KCNT2: variants seen among roughly 807,000 people sequenced by gnomAD.
The protein encoded by KCNT2 is potassium sodium-activated channel subfamily T member 2.
Under a neutral mutation model 153.8 loss-of-function variants are expected in KCNT2, and 67 were observed. The ratio of observed to expected loss-of-function variants is 0.44; its 90% confidence interval spans 0.36 to 0.53. The LOEUF (loss-of-function observed/expected upper bound fraction) is 0.53. Among genes scored for constraint, KCNT2 ranks in the 20% least tolerant of loss-of-function variants. The pLI, the probability that KCNT2 is intolerant of heterozygous loss-of-function variation, is 0.00. For missense variants in KCNT2, 975 were observed against 1,354.8 expected (o/e 0.72, Z 4.40); for synonymous variants, 500 against 458.8 (o/e 1.09, Z -1.15).
chr1:196,491,695 A>G (rs980812783), intron 2 of KCNT2, among the ~76,000 whole-genome samples: 4 of 151,934 alleles, frequency 2.6e-5, no homozygotes, highest in Non-Finnish European at 5.9e-5. Context: ...CTACTTTGTT[A>G]CTTTCTTACA....
At chr1:196,354,457 G>C (rs945982245) in intron 14 of KCNT2, among the ~76,000 whole-genome samples, 1 of 151,668 alleles carries the variant, frequency 6.6e-6, no homozygotes, top group Non-Finnish European at 1.5e-5. Flanking sequence ...TGGGAATAAA[G>C]AGCACCTTGT....
intron 6 of KCNT2, among the ~76,000 whole-genome samples, 159 bp downstream of exon 6, chr1:196,468,835 C>T (rs765974179): frequency 4.6e-5 from 7 of 152,164 alleles, no homozygotes; most frequent in East Asian, 1.9e-4. Flanking sequence ...TTACACAACA[C>T]GATCCAACCA....
At chr1:196,595,776 G>A (rs902083997) in intron 1 of KCNT2, among the ~76,000 whole-genome samples, 2 of 151,848 alleles carry the variant, frequency 1.3e-5, no homozygotes, top group Non-Finnish European at 2.9e-5. Context: ...TGAGACTTTA[G>A]TACACCCATC....
chr1:196,371,268 T>G (rs985740652), intron 14 of KCNT2, among the ~76,000 whole-genome samples: 1 of 141,968 alleles, frequency 7.0e-6, no homozygotes, highest in African/African-American at 2.7e-5. Context: ...TGGTGGTTCA[T>G]GACTATAGTC....
intron 1 of KCNT2, among the ~76,000 whole-genome samples, chr1:196,575,836 G>A (rs1392069707): frequency 6.6e-6 from 1 of 151,634 alleles, no homozygotes; most frequent in Non-Finnish European, 1.5e-5. Context: ...AAATAAGCTG[G>A]GTGTGGAGGC....
intron 14 of KCNT2, among the ~76,000 whole-genome samples, chr1:196,365,777 T>A (rs1667987021): frequency 6.6e-6 from 1 of 152,230 alleles, no homozygotes; most frequent in African/African-American, 2.4e-5. Context: ...GTTCTGGGTA[T>A]CCTGTTTTGT....
chr1:196,350,103 T>C (rs1021850391), intron 14 of KCNT2, among the ~76,000 whole-genome samples: 6 of 152,174 alleles, frequency 3.9e-5, no homozygotes, highest in Non-Finnish European at 8.8e-5. Flanking sequence ...ATCCAGTCTA[T>C]CATTATTGGA....
At chr1:196,257,784 T>C (rs1558073144) in intron 26 of KCNT2, 5 of 984,358 alleles carry the variant, frequency 5.1e-6, no homozygotes, top group Non-Finnish European at 6.0e-6. Flanking sequence ...ATAAGAACAT[T>C]TTGGTTTACC....
rs930214193 is a variant in KCNT2 at position 196,318,074 on chromosome 1, T to G, written c.2348+1410A>C. 5.3e-5 allele frequency among the ~76,000 whole-genome samples: 8 copies of G among 151,626 alleles called. 1 individual carries two copies. Among genetic ancestry groups the G allele is most frequent in the Admixed American group, 3.3e-4 (5 of 15,154 alleles). On this transcript the variant is annotated intron_variant, in intron 20 of 27. Transcript: ENST00000294725. The stretch of plus-strand genomic sequence containing the variant: ...TAATTTCTGCAAGGCCATTGCCTTA[T>G]TTTTCCCTCAGCATGGCTGCTTTAC...
chr1:196,265,009 C>G (rs1387827854), intron 25 of KCNT2, among the ~76,000 whole-genome samples: 2 of 152,136 alleles, frequency 1.3e-5, no homozygotes, highest in East Asian at 3.9e-4. Flanking sequence ...ATTTTTTGAC[C>G]TGGTTGGAAG....
intron 25 of KCNT2, among the ~76,000 whole-genome samples, chr1:196,267,759 G>A (rs1432390516): frequency 6.6e-6 from 1 of 152,128 alleles, no homozygotes; most frequent in Non-Finnish European, 1.5e-5. Context: ...GTGGTCCACT[G>A]TGCCTTTGGT....
Position 196,439,802 on chromosome 1 carries a change from A to G in KCNT2, c.639-10045T>C, listed in dbSNP as rs566033928. Among the ~76,000 whole-genome samples the G allele has an allele frequency of 5.9e-5, 9 of 152,034 alleles. No homozygotes were observed. The East Asian group carries it at 1.8e-3, about 30-fold the overall frequency. Reference sequence around the variant, plus strand: ...TACAGTTCTAATCTTTTCAGTTCCAAAACAATAGTAATATGGACTTGTTAT... The same window carrying G: ...TACAGTTCTAATCTTTTCAGTTCCAGAACAATAGTAATATGGACTTGTTAT... On this transcript the variant is annotated intron_variant, in intron 8 of 27. Coordinates refer to ENST00000294725, the MANE Select transcript of KCNT2 (RefSeq NM_198503.5).
At chr1:196,550,278 A>G (rs555562980) in intron 1 of KCNT2, among the ~76,000 whole-genome samples, 1 of 151,890 alleles carries the variant, frequency 6.6e-6, no homozygotes, top group Non-Finnish European at 1.5e-5. Context: ...AGAAAAAAAA[A>G]TTTAAACCCA....
At chr1:196,296,507 T>C (rs566945348) in intron 22 of KCNT2, among the ~76,000 whole-genome samples, 6 of 152,126 alleles carry the variant, frequency 3.9e-5, no homozygotes, top group African/African-American at 1.4e-4. Context: ...ATTCTACATC[T>C]TGTGGAGAAA....
chr1:196,240,012 G>C (rs558736351), intron 26 of KCNT2, among the ~76,000 whole-genome samples: 1 of 152,148 alleles, frequency 6.6e-6, no homozygotes, highest in African/African-American at 2.4e-5. Context: ...TGGGCACCTT[G>C]ATGTTGGACT....
At chr1:196,364,844 C>T (rs1667905723) in intron 14 of KCNT2, among the ~76,000 whole-genome samples, 1 of 152,056 alleles carries the variant, frequency 6.6e-6, no homozygotes, top group African/African-American at 2.4e-5. Context: ...GTGAAAATAA[C>T]ATACTTTCCC....
At chr1:196,340,637 A>G (rs1665532161) in intron 15 of KCNT2, 67 bp from the exon 16 acceptor site, 1 of 938,738 alleles carries the variant, frequency 1.1e-6, no homozygotes, top group Non-Finnish European at 1.6e-6. Context: ...AGGAAAATAA[A>G]AGCTTTAAAT....
chr1:196,596,807 T>A (rs1044586906), intron 1 of KCNT2, among the ~76,000 whole-genome samples: 20 of 152,102 alleles, frequency 1.3e-4, no homozygotes, highest in African/African-American at 4.8e-4. Context: ...GCTGAAGCGA[T>A]CCTCCTACCT....
chr1:196,342,420 CTA>C (rs71154738), intron 14 of KCNT2, among the ~76,000 whole-genome samples, 192 bp from the exon 15 acceptor site: 34,524 of 132,244 alleles, frequency 0.26, 4,245 homozygotes, highest in Admixed American at 0.27. Context: ...ATTTTGAATA[CTA>C]TATATATATA....
Sources: allele counts gnomAD v4.1 joint callset (sites outside exome capture counted in the v4.1 genomes callset), GRCh38; gene constraint gnomAD v4.1.1; transcripts MANE v1.5; gene names NCBI Gene and HGNC (gene_info 2026-07-23, HGNC 2026-07-21).